Variants in KCNQ3 observed in about 807,000 individuals in gnomAD.
KCNQ3 encodes potassium voltage-gated channel subfamily KQT member 3.
KCNQ3 carries 30 observed loss-of-function variants against 92.5 expected under a neutral mutation model. The ratio of observed to expected loss-of-function variants is 0.32; its 90% CI spans 0.24 to 0.44. The LOEUF (loss-of-function observed/expected upper bound fraction) is 0.44. KCNQ3 is among the 20% of genes least tolerant of loss of function. The pLI, the probability that KCNQ3 is intolerant of heterozygous loss-of-function variation, is 1.00. For missense variants in KCNQ3, 913 were observed against 1,140.3 expected (o/e 0.80, Z 2.87); for synonymous variants, 450 against 468.8 (o/e 0.96, Z 0.52).
intron 1 of KCNQ3, among the ~76,000 whole-genome samples, chr8:132,290,063 C>T (rs1416581228): frequency 6.6e-6 from 1 of 152,160 alleles, no homozygotes; most frequent in Non-Finnish European, 1.5e-5. Context: ...TAGCTGATAT[C>T]CACTAATGTA....
In KCNQ3 at chr8:132,288,936, G is replaced by T. The variant is rs562276492; in HGVS notation, c.387-102755C>A. Among the ~76,000 whole-genome samples, 3 of 152,290 alleles carry T rather than the reference G, an allele frequency of 2.0e-5. No individual in the cohort carries two copies. The South Asian group carries it at 6.2e-4, about 32-fold the overall frequency. On this transcript the variant is annotated intron_variant, in intron 1 of 14. Coordinates refer to ENST00000388996, the MANE Select transcript of KCNQ3 (RefSeq NM_004519.4). ...ATTATTTATGCTATCAGATGGCAAG[G>T]CCTTGTCAATGAGACATGATTATAC...
At chr8:132,388,878 T>C (rs1819972358) in intron 1 of KCNQ3, among the ~76,000 whole-genome samples, 1 of 152,232 alleles carries the variant, frequency 6.6e-6, no homozygotes, top group African/African-American at 2.4e-5. Context: ...CATGCAGTGG[T>C]TCTGATTCCA....
At chr8:132,380,508 G>A (rs902167121) in intron 1 of KCNQ3, among the ~76,000 whole-genome samples, 1 of 152,066 alleles carries the variant, frequency 6.6e-6, no homozygotes, top group Non-Finnish European at 1.5e-5. Flanking sequence ...TGCCTTGCCT[G>A]CTTCCCAAGC....
At chr8:132,311,470 T>TCTTTCC (rs1352291318) in intron 1 of KCNQ3, among the ~76,000 whole-genome samples, 2 of 151,542 alleles carry the variant, frequency 1.3e-5, no homozygotes, top group Non-Finnish European at 1.5e-5. Context: ...CAAAATGATT[T>TCTTTCC]AGCAGCTCCC....
At chr8:132,350,477 A>G (rs1191282310) in intron 1 of KCNQ3, among the ~76,000 whole-genome samples, 1 of 152,082 alleles carries the variant, frequency 6.6e-6, no homozygotes, top group East Asian at 1.9e-4. Flanking sequence ...CACCTAGCCA[A>G]TGAGCACCCA....
At chr8:132,209,331 G>A (rs1221348361) in intron 1 of KCNQ3, among the ~76,000 whole-genome samples, 1 of 152,070 alleles carries the variant, frequency 6.6e-6, no homozygotes, top group Non-Finnish European at 1.5e-5. Flanking sequence ...TAGCAGACTT[G>A]TCAGAGTACT....
intron 2 of KCNQ3, among the ~76,000 whole-genome samples, chr8:132,185,656 A>AG (rs1294140741): frequency 6.6e-6 from 1 of 152,172 alleles, no homozygotes; most frequent in Admixed American, 6.6e-5. Context: ...GGAGATTTAG[A>AG]GGTTTCGTGT....
intron 1 of KCNQ3, among the ~76,000 whole-genome samples, chr8:132,455,256 GCCA>G (rs532810376): frequency 1.9e-3 from 286 of 152,116 alleles, no homozygotes; most frequent in African/African-American, 6.7e-3. Context: ...ACAGGTGTGT[GCCA>G]CCACGTCTGT....
At chr8:132,417,481 GT>G (rs1412408606) in intron 1 of KCNQ3, among the ~76,000 whole-genome samples, 1 of 152,208 alleles carries the variant, frequency 6.6e-6, no homozygotes, top group Non-Finnish European at 1.5e-5. Context: ...TCTCCCATGG[GT>G]GGAGAATAGA....
At chr8:132,395,506 C>G (rs1820169296) in intron 1 of KCNQ3, among the ~76,000 whole-genome samples, 1 of 152,196 alleles carries the variant, frequency 6.6e-6, no homozygotes, top group South Asian at 2.1e-4. Flanking sequence ...ACTTAATACA[C>G]CGGTTACTAC....
intron 1 of KCNQ3, among the ~76,000 whole-genome samples, chr8:132,350,872 T>C (rs1228026607): frequency 6.6e-6 from 1 of 152,212 alleles, no homozygotes; most frequent in African/African-American, 2.4e-5. Context: ...GAACTTAAAA[T>C]TGAAAACTCA....
intron 1 of KCNQ3, among the ~76,000 whole-genome samples, chr8:132,440,347 C>T (rs1439910048): frequency 1.3e-5 from 2 of 152,150 alleles, no homozygotes; most frequent in African/African-American, 2.4e-5. Flanking sequence ...TCCCTGCTGT[C>T]CTTCATGGCG....
At chr8:132,372,482 G>A (rs1392519256) in intron 1 of KCNQ3, among the ~76,000 whole-genome samples, 24 of 152,124 alleles carry the variant, frequency 1.6e-4, no homozygotes, top group Admixed American at 1.5e-3. Flanking sequence ...GAGGCCGGGC[G>A]CAGTGGCTCA....
chr8:132,398,758 T>C (rs970237778), intron 1 of KCNQ3, among the ~76,000 whole-genome samples: 8 of 152,154 alleles, frequency 5.3e-5, no homozygotes, highest in Non-Finnish European at 1.2e-4. Context: ...AATGGGCAGA[T>C]GAGCCTGAAG....
chr8:132,350,316 T>G (rs961552423), intron 1 of KCNQ3, among the ~76,000 whole-genome samples: 2 of 152,156 alleles, frequency 1.3e-5, no homozygotes, highest in Non-Finnish European at 2.9e-5. Flanking sequence ...GCCCTGGAGA[T>G]GCTGGCTATA....
chr8:132,460,621 T>C (rs1441726193), intron 1 of KCNQ3, among the ~76,000 whole-genome samples: 4 of 152,216 alleles, frequency 2.6e-5, no homozygotes. Flanking sequence ...GTTGCTTAGG[T>C]CAGCACCTTC....
At chr8:132,176,441 T>C (rs989778088) in intron 4 of KCNQ3, among the ~76,000 whole-genome samples, 1 of 152,216 alleles carries the variant, frequency 6.6e-6, no homozygotes, top group Non-Finnish European at 1.5e-5. Context: ...TCATAGTAGG[T>C]TGGGCAGGAA....
chr8:132,263,239 G>A lies in KCNQ3; in HGVS notation c.387-77058C>T, dbSNP rs200740439. Among the ~76,000 whole-genome samples the A allele has an allele frequency of 5.9e-5, 9 of 152,236 alleles. No homozygotes were observed. In the East Asian group the frequency reaches 1.5e-3, roughly 26 times the overall value. ...TCCAGCTCTTACAGCTCTGTCCCTG[G>A]CAACTGCCTGGTAACCTATCCACTC... On this transcript the variant is annotated intron_variant, in intron 1 of 14. Transcript: ENST00000388996.
rs185202372 is a variant in KCNQ3, at chr8:132,188,202, A to C, written c.387-2021T>G. Among the ~76,000 whole-genome samples the C allele has an allele frequency of 1.2e-4, 19 of 152,312 alleles. No individual in the cohort carries two copies. The East Asian group carries it at 3.7e-3, about 29-fold the overall frequency. ...TCTCATCTGGGGAATGAGGATAATG[A>C]ATCTGCCTAGAGCTCACCATGATTC... is the stretch of plus-strand genomic sequence containing the variant. On this transcript the variant is annotated intron_variant, in intron 1 of 14. Transcript: ENST00000388996.
Sources: gnomAD v4.1 joint callset for allele counts (sites outside exome capture counted in the v4.1 genomes callset) on GRCh38, gnomAD v4.1.1 for gene constraint, MANE v1.5 for transcripts, NCBI Gene and HGNC (gene_info 2026-07-23, HGNC 2026-07-21) for gene names.